The following SYN2 variants were observed in gnomAD, a reference collection of about 807,000 sequenced individuals.
SYN2 encodes synapsin-2.
A neutral mutation model predicts 50.9 loss-of-function variants in SYN2; 19 were observed. The ratio of observed to expected loss-of-function variants is 0.37; its 90% confidence interval spans 0.26 to 0.55. The LOEUF (loss-of-function observed/expected upper bound fraction) is 0.55. SYN2 is among the 20% of genes least tolerant of loss of function. The pLI is 0.81. For synonymous variants in SYN2, 255 were observed against 224.9 expected, an observed-to-expected ratio of 1.13 and a Z score of -1.20; for missense variants, 587 against 576.4, an observed-to-expected ratio of 1.02 and a Z score of -0.19.
At chr3:12,128,164 C>T (rs1051120229) in intron 1 of SYN2, among the ~76,000 whole-genome samples, 3 of 152,080 alleles carry the variant, frequency 2.0e-5, no homozygotes, top group East Asian at 1.9e-4. Context: ...AGGCTGGTTT[C>T]GAACTCCTGG....
In SYN2 at chr3:12,004,856, C is replaced by T. The variant is rs1382961894; in HGVS notation, c.305C>T (p.Ala102Val). 3 of 555,518 alleles carry T rather than the reference C, an allele frequency of 5.4e-6. No homozygotes were observed. The highest frequency in any genetic ancestry group is 6.4e-6 in the Non-Finnish European group (2 of 312,652). The allele number at this position is 555,518 out of a possible 1,614,324, so 34.4% of individuals were successfully genotyped here. A position where few individuals can be genotyped will look rare whatever the true frequency, so the allele number is the denominator to read the frequency against. The change falls in exon 1 of 13, where the codon GCG (alanine) becomes GTG (valine). Residue 102 changes from alanine (A) to valine (V), a missense_variant. By Grantham distance (64) the Ala-to-Val change is moderately conservative. Coordinates refer to ENST00000621198, the MANE Select transcript of SYN2 (RefSeq NM_133625.6). ...QTAASAGLVD[A>V]PAPAPAAARK... ...GCCGCCTCGGCTGGCCTGGTGGACGCGCCCGCTCCCGCGCCCGCAGCCGCC... is the reference window on the plus strand; with the variant it reads ...GCCGCCTCGGCTGGCCTGGTGGACGTGCCCGCTCCCGCGCCCGCAGCCGCC...
intron 1 of SYN2, among the ~76,000 whole-genome samples, chr3:12,105,434 A>G (rs1696164614): frequency 6.7e-6 from 1 of 149,904 alleles, no homozygotes. Context: ...TGAATGATGG[A>G]ATAGGAAGAA....
intron 1 of SYN2, among the ~76,000 whole-genome samples, chr3:12,054,775 T>C (rs553953405): frequency 6.6e-6 from 1 of 152,164 alleles, no homozygotes; most frequent in Admixed American, 6.5e-5. Flanking sequence ...AGGAACATCT[T>C]TTCCAGGAGT....
intron 1 of SYN2, among the ~76,000 whole-genome samples, chr3:12,092,684 G>T (rs1233788157): frequency 6.6e-6 from 1 of 152,108 alleles, no homozygotes. Context: ...CTTCCTGGGG[G>T]TCAAAGACTG....
chr3:12,034,909 C>T (rs1437004917), intron 1 of SYN2, among the ~76,000 whole-genome samples: 2 of 152,176 alleles, frequency 1.3e-5, no homozygotes, highest in African/African-American at 2.4e-5. Context: ...ACTTGTTCCA[C>T]ATCAACTCAA....
intron 2 of SYN2, among the ~76,000 whole-genome samples, chr3:12,141,092 G>A (rs1038745932): frequency 3.3e-5 from 5 of 152,154 alleles, no homozygotes; most frequent in African/African-American, 1.2e-4. Flanking sequence ...TGCCTTTCAG[G>A]TATGCTGCCC....
intron 1 of SYN2, among the ~76,000 whole-genome samples, chr3:12,123,999 A>G (rs375220166): frequency 2.4e-4 from 36 of 152,310 alleles, no homozygotes; most frequent in African/African-American, 8.7e-4. Context: ...AGACAGAGCA[A>G]GACCCTGTCT....
chr3:12,058,765 C>T (rs1003240966), intron 1 of SYN2, among the ~76,000 whole-genome samples: 1 of 152,170 alleles, frequency 6.6e-6, no homozygotes, highest in Non-Finnish European at 1.5e-5. Context: ...GTTAGAGTGT[C>T]ATATCAGTGC....
intron 1 of SYN2, among the ~76,000 whole-genome samples, chr3:12,082,653 G>C (rs925262932): frequency 3.3e-5 from 5 of 152,162 alleles, no homozygotes; most frequent in African/African-American, 1.2e-4. Context: ...AGTTTTAGAG[G>C]ATGTATATCC....
At chr3:12,094,348 C>T (rs980094537) in intron 1 of SYN2, among the ~76,000 whole-genome samples, 1 of 152,060 alleles carries the variant, frequency 6.6e-6, no homozygotes, top group Non-Finnish European at 1.5e-5. Context: ...TAAAAGACAA[C>T]ATTTATTGAA....
chr3:12,096,802 T>G (rs2125186010), intron 1 of SYN2, among the ~76,000 whole-genome samples: 1 of 152,164 alleles, frequency 6.6e-6, no homozygotes, highest in East Asian at 1.9e-4. Context: ...TAAATAGATT[T>G]AAGCAGGAAA....
At chr3:12,040,276 A>G (rs963312137) in intron 1 of SYN2, among the ~76,000 whole-genome samples, 5 of 152,124 alleles carry the variant, frequency 3.3e-5, no homozygotes, top group African/African-American at 4.8e-5. Context: ...CAGAGTGGTA[A>G]TAGGAGGCAG....
intron 1 of SYN2, among the ~76,000 whole-genome samples, chr3:12,071,887 T>C (rs1695361422): frequency 6.6e-6 from 1 of 152,236 alleles, no homozygotes; most frequent in Admixed American, 6.5e-5. Flanking sequence ...CACCGAGGGC[T>C]GTTAACTTGC....
At chr3:12,027,133 A>C (rs946094133) in intron 1 of SYN2, among the ~76,000 whole-genome samples, 8 of 152,218 alleles carry the variant, frequency 5.3e-5, no homozygotes, top group Admixed American at 3.3e-4. Context: ...TGAATGTGGC[A>C]AGATTGTAAT....
In SYN2 at chr3:12,158,650, C is replaced by G. The variant is rs1386241566; in HGVS notation, c.775-2896C>G. On this transcript the variant is annotated intron_variant, in intron 5 of 12. Coordinates refer to ENST00000621198, the MANE Select transcript of SYN2 (RefSeq NM_133625.6). ...CTCCTGGTGTACTGCTGGCCAGATA[C>G]TAATCCCCCACAACCACCCCCTGCT... 3 of 1,602,550 alleles carry G rather than the reference C, an allele frequency of 1.9e-6. No homozygotes were observed. In the African/African-American group the frequency reaches 4.0e-5, roughly 21 times the overall value.
intron 1 of SYN2, among the ~76,000 whole-genome samples, chr3:12,128,436 G>A (rs1696719601): frequency 6.6e-6 from 1 of 152,142 alleles, no homozygotes; most frequent in Non-Finnish European, 1.5e-5. Flanking sequence ...AACATGGCCT[G>A]CCTCAAACTG....
chr3:12,188,878 G>A lies in SYN2; in HGVS notation c.1613+1266G>A, dbSNP rs78096090. Among the ~76,000 whole-genome samples the A allele has an allele frequency of 9.0e-3, 1,376 of 152,108 alleles. 11 individuals carry two copies. Among genetic ancestry groups the A allele is most frequent in the Non-Finnish European group, 0.015 (1,040 of 68,004 alleles). On this transcript the variant is annotated intron_variant, in intron 12 of 12. Transcript: ENST00000621198. The stretch of plus-strand genomic sequence containing the variant: ...TTCCCACTAGCCAACTCTAGCCCCC[G>A]CGTGAGGGCAGATCCTTGGATTGTC...
chr3:12,130,230 C>CTGTGTGCGTGTGTGTG (rs1696764807), intron 1 of SYN2, among the ~76,000 whole-genome samples: 1 of 85,182 alleles, frequency 1.2e-5, no homozygotes, highest in African/African-American at 3.4e-5. Context: ...GTATGCATCT[C>CTGTGTGCGTGTGTGTG]TGTGTGCGTG....
intron 8 of SYN2, 30 bp downstream of exon 8, chr3:12,167,338 G>A (rs762718302): frequency 5.6e-6 from 9 of 1,598,344 alleles, no homozygotes; most frequent in Non-Finnish European, 6.8e-6. Context: ...CCAGTTTCCA[G>A]CCCAGTGAGA....
Sources: gnomAD v4.1 joint callset for allele counts (sites outside exome capture counted in the v4.1 genomes callset) on GRCh38, gnomAD v4.1.1 for gene constraint, MANE v1.5 for transcripts, NCBI Gene and HGNC (gene_info 2026-07-23, HGNC 2026-07-21) for gene names.